The following TGFBRAP1 variants were observed in gnomAD, a reference collection of about 807,000 sequenced individuals.
TGFBRAP1 encodes transforming growth factor beta receptor associated protein 1, also known as transforming growth factor-beta receptor-associated protein 1.
A neutral mutation model predicts 83.2 loss-of-function variants in TGFBRAP1; 20 were observed. The observed-to-expected ratio is 0.24, with a 90% CI of 0.17 to 0.35. The LOEUF (loss-of-function observed/expected upper bound fraction) is 0.35, where lower values mean the gene tolerates loss of function less well. Ranked by LOEUF, TGFBRAP1 falls within the 10% of genes least tolerant of loss-of-function variation. TGFBRAP1 has a pLI of 1.00. For synonymous variants in TGFBRAP1, 415 were observed against 459.8 expected (o/e 0.90, Z 1.25); for missense variants, 950 against 1,099.4 (o/e 0.86, Z 1.92).
intron 4 of TGFBRAP1, among the ~76,000 whole-genome samples, chr2:105,292,274 A>G (rs1677940407): frequency 6.6e-6 from 1 of 152,194 alleles, no homozygotes; most frequent in Non-Finnish European, 1.5e-5. Context: ...ATAACCATCA[A>G]AAAATAGGGA....
chr2:105,269,840 C>T lies in TGFBRAP1; in HGVS notation c.1973-135G>A, dbSNP rs1573155611. 1 of 943,222 alleles carries T rather than the reference C, an allele frequency of 1.1e-6. No homozygotes were observed. 58.4% of individuals were successfully genotyped at this position (943,222 alleles called of 1,614,324 possible). A position where few individuals can be genotyped will look rare whatever the true frequency, so the allele number is the denominator to read the frequency against. ...CCCTCACAATGCCAAATGCTGCCAC[C>T]CAGATGACTGAGGGTAGGTTTTCTT... is the stretch of plus-strand genomic sequence containing the variant. On this transcript the variant is annotated intron_variant, in intron 10 of 11. Transcript: ENST00000393359. This position sits in a 1 kb window ranked among gnomAD's most constrained non-coding sequence, Gnocchi z 4.1.
At chr2:105,279,956 T>C (rs1677474368) in intron 6 of TGFBRAP1, among the ~76,000 whole-genome samples, 1 of 151,890 alleles carries the variant, frequency 6.6e-6, no homozygotes, top group African/African-American at 2.4e-5. Context: ...GAGAATTGCT[T>C]GAACCCAGGA....
intron 4 of TGFBRAP1, among the ~76,000 whole-genome samples, chr2:105,292,930 G>C (rs1345622337): frequency 9.2e-5 from 14 of 152,010 alleles, no homozygotes; most frequent in Admixed American, 9.2e-4. Context: ...CCACACAGAG[G>C]AGAACTATCC....
In TGFBRAP1 at chr2:105,307,695, G is replaced by A; in HGVS notation, c.607C>T (p.Pro203Ser). ...GGCGGCCTCTCCTCACTGCAGTAGG[G>A]AAACAGGTCCTGGGAGACGCCTGTG... ...YSTGVSQDLFPYCSEERPPIV... is the reference protein window; with the variant it reads ...YSTGVSQDLFSYCSEERPPIV... The change falls in exon 2 of 12, where the codon CCC becomes TCC. Residue 203 changes from proline (P) to serine (S), a missense_variant. Pro to Ser is a moderately conservative substitution (Grantham distance 74). Coordinates refer to ENST00000393359, the MANE Select transcript of TGFBRAP1 (RefSeq NM_004257.6). 1.2e-6 allele frequency: 2 copies of A among 1,614,156 alleles called. No individual in the cohort carries two copies. The highest frequency in any genetic ancestry group is 1.1e-5 in the South Asian group (1 of 91,092).
intron 8 of TGFBRAP1, among the ~76,000 whole-genome samples, 197 bp from the exon 9 acceptor site, chr2:105,273,887 C>G (rs1018454494): frequency 6.6e-6 from 1 of 152,096 alleles, no homozygotes; most frequent in African/African-American, 2.4e-5. Context: ...TGGAGAAAAA[C>G]AGCCCAGCAT....
chr2:105,250,351 C>G, the TGFBRAP1 span, among the ~76,000 whole-genome samples: 1 of 152,180 alleles, frequency 6.6e-6, no homozygotes, highest in Non-Finnish European at 1.5e-5. Flanking sequence ...TCTCTATGTT[C>G]CATCTCCGTT....
chr2:105,287,743 C>T (rs1174564953), intron 4 of TGFBRAP1, among the ~76,000 whole-genome samples: 2 of 152,134 alleles, frequency 1.3e-5, no homozygotes, highest in African/African-American at 2.4e-5. Flanking sequence ...ATTAGCACTC[C>T]TAACTAATCC....
chr2:105,326,552 T>A (rs1679231081), intron 1 of TGFBRAP1, among the ~76,000 whole-genome samples: 1 of 152,078 alleles, frequency 6.6e-6, no homozygotes, highest in South Asian at 2.1e-4. Context: ...ACTCTGTCTC[T>A]ATAGAAGAAT....
chr2:105,280,123 T>C (rs1021996263), intron 6 of TGFBRAP1, among the ~76,000 whole-genome samples: 2 of 151,440 alleles, frequency 1.3e-5, no homozygotes, highest in African/African-American at 4.9e-5. Flanking sequence ...CAAACTATAC[T>C]CCAAATTATT....
intron 4 of TGFBRAP1, among the ~76,000 whole-genome samples, chr2:105,286,706 C>T (rs1181642728): frequency 2.6e-5 from 4 of 152,194 alleles, no homozygotes; most frequent in Admixed American, 6.5e-5. Context: ...ACCTGGCTTC[C>T]GGCAGGCTTA....
At position 105,267,154 on chromosome 2, in the gene TGFBRAP1, G is replaced by C. The variant is rs1044485575; in HGVS notation, c.*229C>G. 1.9e-6 allele frequency: 1 copy of C among 538,416 alleles called. No individual in the cohort carries two copies. Among genetic ancestry groups the C allele is most frequent in the Non-Finnish European group, 3.2e-6 (1 of 310,428 alleles). 33.4% of individuals were successfully genotyped at this position (538,416 alleles called of 1,614,324 possible). A position where few individuals can be genotyped will look rare whatever the true frequency, so the allele number is the denominator to read the frequency against. On this transcript the variant is annotated 3_prime_UTR_variant, in exon 12 of 12. Coordinates refer to ENST00000393359, the MANE Select transcript of TGFBRAP1 (RefSeq NM_004257.6). Reference sequence around the variant, plus strand: ...AACTCTTGTATGTTTCTGTTTTGGGGATTTTTAGGGGTTTTCCATGTACAT... The same window carrying C: ...AACTCTTGTATGTTTCTGTTTTGGGCATTTTTAGGGGTTTTCCATGTACAT...
the TGFBRAP1 span, among the ~76,000 whole-genome samples, chr2:105,259,084 T>C: frequency 6.6e-6 from 1 of 152,238 alleles, no homozygotes; most frequent in African/African-American, 2.4e-5. Context: ...TGATGTGATG[T>C]GACAGCCAAC....
At position 105,276,429 on chromosome 2, in the gene TGFBRAP1, A is replaced by T. The variant is rs1202867942; in HGVS notation, c.1522-726T>A. ...CAGCACCACCCCTCCAAGCCACAGC[A>T]CCAGGAAGGAGCCCAGAAACAGGGG... On this transcript the variant is annotated intron_variant, in intron 7 of 11. Transcript: ENST00000393359. Among the ~76,000 whole-genome samples, 4 of 152,164 alleles carry T rather than the reference A, an allele frequency of 2.6e-5. 1 individual carries two copies. The South Asian group carries it at 8.3e-4, about 32-fold the overall frequency.
intron 4 of TGFBRAP1, among the ~76,000 whole-genome samples, chr2:105,290,744 C>T (rs556696339): frequency 6.6e-6 from 1 of 152,066 alleles, no homozygotes; most frequent in South Asian, 2.1e-4. Context: ...GTGGCTCACA[C>T]CTGTAGTCCT....
chr2:105,296,653 T>TAAATTATA (rs1212313738), intron 3 of TGFBRAP1, 143 bp from the exon 4 acceptor site: 1 of 880,220 alleles, frequency 1.1e-6, no homozygotes, highest in Non-Finnish European at 1.6e-6. Flanking sequence ...ACAAAAATTA[T>TAAATTATA]AAATTATAAT....
At position 105,303,108 on chromosome 2, in the gene TGFBRAP1, A is replaced by G. The variant is rs1435038435; in HGVS notation, c.689-4403T>C. Among the ~76,000 whole-genome samples, 5 of 152,246 alleles carry G rather than the reference A, an allele frequency of 3.3e-5. 1 individual carries two copies. In the South Asian group the frequency reaches 1.0e-3, roughly 32 times the overall value. On this transcript the variant is annotated intron_variant, in intron 2 of 11. Coordinates refer to ENST00000393359, the MANE Select transcript of TGFBRAP1 (RefSeq NM_004257.6). Reference sequence around the variant, plus strand: ...ACAATGATGGATTGGTTCTATCAACATGATTTCACAATGAAATTATCTTTA... The same window carrying G: ...ACAATGATGGATTGGTTCTATCAACGTGATTTCACAATGAAATTATCTTTA...
At chr2:105,328,896 C>T (rs1679293281) in intron 1 of TGFBRAP1, among the ~76,000 whole-genome samples, 1 of 152,130 alleles carries the variant, frequency 6.6e-6, no homozygotes, top group South Asian at 2.1e-4. Flanking sequence ...GGACAGCTTC[C>T]GTGTTTAAGG....
Position 105,267,318 on chromosome 2 carries a change from G to A in TGFBRAP1, c.*65C>T. The stretch of plus-strand genomic sequence containing the variant: ...CTGACACAGAGCATGGTGGTCATCT[G>A]CTCTTCATGTCCAGCAGGCTCAGAA... On this transcript the variant is annotated 3_prime_UTR_variant, in exon 12 of 12. Transcript: ENST00000393359. 1 of 1,588,906 alleles carries A rather than the reference G, an allele frequency of 6.3e-7. No individual in the cohort carries two copies. The highest frequency in any genetic ancestry group is 8.6e-7 in the Non-Finnish European group (1 of 1,166,268).
At chr2:105,262,274 C>T (rs1455113443), downstream of TGFBRAP1, among the ~76,000 whole-genome samples, 1 of 152,154 alleles carries the variant, frequency 6.6e-6, no homozygotes, top group African/African-American at 2.4e-5. Context: ...GGACGAATCC[C>T]TCACGAATTA....
Sources: gnomAD v4.1 joint callset for allele counts (sites outside exome capture counted in the v4.1 genomes callset) on GRCh38, gnomAD v4.1.1 for gene constraint, Gnocchi (gnomAD v3.1) non-coding constraint, MANE v1.5 for transcripts, NCBI Gene and HGNC (gene_info 2026-07-23, HGNC 2026-07-21) for gene names.